VKORC1L1: variants seen among roughly 807,000 people sequenced by gnomAD.
VKORC1L1 encodes the protein vitamin K epoxide reductase complex subunit 1-like protein 1.
Under a neutral mutation model 18.9 loss-of-function variants are expected in VKORC1L1, and 2 were observed. The observed-to-expected ratio is 0.11, with a 90% CI of 0.04 to 0.33. The LOEUF (loss-of-function observed/expected upper bound fraction) is 0.33, where lower values mean the gene tolerates loss of function less well. Among genes scored for constraint, VKORC1L1 ranks in the 10% least tolerant of loss-of-function variants. The probability of loss-of-function intolerance (pLI) is 1.00; values close to 1 mark genes in which losing one functional copy is unlikely to be tolerated. For synonymous variants in VKORC1L1, 96 were observed against 100.0 expected, an observed-to-expected ratio of 0.96 and a Z score of 0.24; for missense variants, 123 against 224.1, an observed-to-expected ratio of 0.55 and a Z score of 2.88.
intron 1 of VKORC1L1, among the ~76,000 whole-genome samples, chr7:65,875,333 A>G (rs1391751215): frequency 6.6e-6 from 1 of 152,200 alleles, no homozygotes; most frequent in East Asian, 1.9e-4. Context: ...ATAATCACAT[A>G]TATGTACATA....
the VKORC1L1 span, among the ~76,000 whole-genome samples, chr7:65,866,122 A>C: frequency 0.32 from 48,804 of 152,004 alleles, 8,877 homozygotes; most frequent in East Asian, 0.47. Flanking sequence ...TCAAAAAAAA[A>C]ATTATTCCTG....
intron 1 of VKORC1L1, among the ~76,000 whole-genome samples, chr7:65,883,242 A>G (rs1037466367): frequency 3.3e-5 from 5 of 150,042 alleles, no homozygotes; most frequent in African/African-American, 1.2e-4. Flanking sequence ...CCCAGCTTCA[A>G]GCGATTTTCC....
At chr7:65,884,354 CAT>C (rs2116340927) in intron 1 of VKORC1L1, among the ~76,000 whole-genome samples, 1 of 152,272 alleles carries the variant, frequency 6.6e-6, no homozygotes, top group Non-Finnish European at 1.5e-5. Flanking sequence ...CCTCACTTAA[CAT>C]GTCACAGCAG....
intron 1 of VKORC1L1, among the ~76,000 whole-genome samples, chr7:65,915,931 T>C (rs1021775014): frequency 1.3e-5 from 2 of 151,792 alleles, no homozygotes; most frequent in African/African-American, 4.8e-5. Context: ...GACAAAATGG[T>C]GAAACCCCGT....
chr7:65,934,858 G>T (rs1199284687), intron 1 of VKORC1L1, among the ~76,000 whole-genome samples: 3 of 151,974 alleles, frequency 2.0e-5, no homozygotes, highest in East Asian at 3.9e-4. Flanking sequence ...TTCGAGACCA[G>T]CCTTGCCAAC....
chr7:65,935,157 G>A (rs1789921314), intron 1 of VKORC1L1, among the ~76,000 whole-genome samples: 1 of 151,822 alleles, frequency 6.6e-6, no homozygotes, highest in Non-Finnish European at 1.5e-5. Flanking sequence ...ACTTCCTTCA[G>A]CATTTCTCAT....
At chr7:65,920,962 C>T (rs1029751302) in intron 1 of VKORC1L1, among the ~76,000 whole-genome samples, 16 of 152,030 alleles carry the variant, frequency 1.1e-4, no homozygotes, top group Admixed American at 5.9e-4. Context: ...AAATATGGGT[C>T]TTTCTACACA....
intron 1 of VKORC1L1, among the ~76,000 whole-genome samples, chr7:65,889,554 G>C (rs1446025671): frequency 6.6e-6 from 1 of 151,898 alleles, no homozygotes; most frequent in Non-Finnish European, 1.5e-5. Flanking sequence ...AAAAATCATT[G>C]AGCGGTGCAT....
intron 1 of VKORC1L1, among the ~76,000 whole-genome samples, chr7:65,933,729 T>A (rs1789895423): frequency 6.6e-6 from 1 of 152,182 alleles, no homozygotes; most frequent in South Asian, 2.1e-4. Flanking sequence ...AACCTCTCTG[T>A]TTTGGTTTGT....
chr7:65,936,505 A>G (rs1789944289), intron 1 of VKORC1L1, among the ~76,000 whole-genome samples: 1 of 152,194 alleles, frequency 6.6e-6, no homozygotes, highest in Admixed American at 6.5e-5. Flanking sequence ...GTTCAATGCC[A>G]GTTTTATTTT....
intron 1 of VKORC1L1, among the ~76,000 whole-genome samples, chr7:65,907,625 A>G (rs774227755): frequency 6.6e-6 from 1 of 152,192 alleles, no homozygotes; most frequent in Non-Finnish European, 1.5e-5. Flanking sequence ...ATTACTGTCA[A>G]TAAACACCAC....
chr7:65,897,518 A>G (rs1424787911), intron 1 of VKORC1L1, among the ~76,000 whole-genome samples: 12 of 152,200 alleles, frequency 7.9e-5, no homozygotes, highest in Admixed American at 5.9e-4. Context: ...AGCAATAAGA[A>G]TGAATGAATT....
At chr7:65,930,629 C>G (rs913494315) in intron 1 of VKORC1L1, among the ~76,000 whole-genome samples, 1 of 152,108 alleles carries the variant, frequency 6.6e-6, no homozygotes, top group Non-Finnish European at 1.5e-5. Flanking sequence ...TTTTTGTATT[C>G]AGTCTCACTT....
chr7:65,920,343 G>A lies in VKORC1L1; in HGVS notation c.195-28328G>A, dbSNP rs553161921. 4.6e-5 allele frequency among the ~76,000 whole-genome samples: 7 copies of A among 152,122 alleles called. No homozygotes were observed. The East Asian group carries it at 5.8e-4, about 13-fold the overall frequency. ...GTTCCCATCACCTGATACCATGCCC[G>A]ACAAATGCTGGGCACTCAATAAGTA... On this transcript the variant is annotated intron_variant, in intron 1 of 2. Transcript: ENST00000360768.
intron 1 of VKORC1L1, among the ~76,000 whole-genome samples, chr7:65,887,198 C>T (rs953932391): frequency 3.9e-5 from 6 of 151,988 alleles, no homozygotes; most frequent in African/African-American, 1.4e-4. Context: ...AGAGTGCCTC[C>T]TTGTTACTTT....
At chr7:65,922,355 A>G (rs1789691650) in intron 1 of VKORC1L1, among the ~76,000 whole-genome samples, 1 of 151,328 alleles carries the variant, frequency 6.6e-6, no homozygotes, top group Non-Finnish European at 1.5e-5. Flanking sequence ...ATCTTGGCTG[A>G]CCGCAACCTC....
At position 65,873,219 on chromosome 7, in the gene VKORC1L1, G is replaced by A. The variant is rs1331076547; in HGVS notation, c.-153G>A. 2.2e-6 allele frequency: 2 copies of A among 916,400 alleles called. No individual in the cohort carries two copies. The highest frequency in any genetic ancestry group is 3.6e-5 in the African/African-American group (2 of 55,348). The allele number at this position is 916,400 out of a possible 1,614,324, so 56.8% of individuals were successfully genotyped here. On this transcript the variant is annotated 5_prime_UTR_variant, in exon 1 of 3. Transcript: ENST00000360768. ...CCTGTGGGGGCGGGGCCCGGAGCAG[G>A]CCACCGAGCCAATGGGGCGCGGCGG... is the stretch of plus-strand genomic sequence containing the variant.
Position 65,909,765 on chromosome 7 carries a change from T to TG in VKORC1L1, c.194+36202dup, listed in dbSNP as rs551611280. 3.8e-3 allele frequency among the ~76,000 whole-genome samples: 562 copies of TG among 148,092 alleles called. 2 individuals carry two copies. The highest frequency in any genetic ancestry group is 6.8e-3 in the Non-Finnish European group (455 of 67,100). ...CGGAGGCTTGCTCTGTCGCCCAGGC[T>TG]GGAGTGCAGTGGTGCAATCTCAGCT... On this transcript the variant is annotated intron_variant, in intron 1 of 2. Coordinates refer to ENST00000360768, the MANE Select transcript of VKORC1L1 (RefSeq NM_173517.6).
chr7:65,910,979 G>C (rs962086418), intron 1 of VKORC1L1, among the ~76,000 whole-genome samples: 1 of 152,084 alleles, frequency 6.6e-6, no homozygotes, highest in East Asian at 1.9e-4. Context: ...TGATGATTTT[G>C]TTGCTCCATT....
Sources: allele counts gnomAD v4.1 joint callset (sites outside exome capture counted in the v4.1 genomes callset), GRCh38; gene constraint gnomAD v4.1.1; transcripts MANE v1.5; gene names NCBI Gene and HGNC (gene_info 2026-07-23, HGNC 2026-07-21).